Variants in AGFG1 observed in about 807,000 individuals in gnomAD.
AGFG1 encodes the protein arf-GAP domain and FG repeat-containing protein 1.
A neutral mutation model predicts 60.6 loss-of-function variants in AGFG1; 10 were observed. The ratio of observed to expected loss-of-function variants is 0.16; its 90% CI spans 0.10 to 0.28. The LOEUF is 0.28. Ranked by LOEUF, AGFG1 falls within the 10% of genes least tolerant of loss-of-function variation. The probability of loss-of-function intolerance (pLI) is 1.00; values close to 1 mark genes in which losing one functional copy is unlikely to be tolerated. For missense variants in AGFG1, 537 were observed against 676.5 expected (o/e 0.79, Z 2.29); for synonymous variants, 247 against 242.9 (o/e 1.02, Z -0.16).
In AGFG1 at chr2:227,560,594, T is replaced by G. The variant is rs967246527; in HGVS notation, c.*6099T>G. On this transcript the variant is annotated 3_prime_UTR_variant, in exon 13 of 13. Coordinates refer to ENST00000310078, the MANE Select transcript of AGFG1 (RefSeq NM_004504.5). ...AAGTGCATGGCTTGGGGCTATACTT[T>G]GTTTTGCAGTTTGTTGGTATCGTGC... The G allele has an allele frequency of 1.3e-5, 2 of 152,188 alleles. No individual in the cohort carries two copies. The highest frequency in any genetic ancestry group is 6.5e-5 in the Admixed American group (1 of 15,284). The allele number at this position is 152,188 out of a possible 1,614,324, so 9.4% of individuals were successfully genotyped here. A position where few individuals can be genotyped will look rare whatever the true frequency, so the allele number is the denominator to read the frequency against.
chr2:227,502,046 A>G (rs533057366), intron 2 of AGFG1, among the ~76,000 whole-genome samples: 1 of 151,618 alleles, frequency 6.6e-6, no homozygotes, highest in Non-Finnish European at 1.5e-5. Context: ...TTTTGTAGAG[A>G]CGAGATCTCA....
chr2:227,491,161 A>C (rs576894624), intron 1 of AGFG1, among the ~76,000 whole-genome samples: 3 of 152,178 alleles, frequency 2.0e-5, no homozygotes, highest in Non-Finnish European at 4.4e-5. Flanking sequence ...GTCTTATTAT[A>C]TCATTGTTTC....
intron 2 of AGFG1, among the ~76,000 whole-genome samples, chr2:227,496,436 C>T (rs114669804): frequency 0.035 from 3,250 of 92,132 alleles, 74 homozygotes; most frequent in South Asian, 0.11. Context: ...AGCGAGACTC[C>T]GTCTCAAAAA....
At chr2:227,509,913 T>G (rs888707815) in intron 2 of AGFG1, among the ~76,000 whole-genome samples, 3 of 152,148 alleles carry the variant, frequency 2.0e-5, no homozygotes, top group African/African-American at 7.2e-5. Context: ...CTGATATATT[T>G]AACTAGATAA....
At chr2:227,500,173 GGTA>G (rs1182200082) in intron 2 of AGFG1, among the ~76,000 whole-genome samples, 1 of 152,120 alleles carries the variant, frequency 6.6e-6, no homozygotes, top group Non-Finnish European at 1.5e-5. Context: ...TTAAGGTTTG[GGTA>G]GTAGTAGCCA....
At chr2:227,532,270 G>A in intron 6 of AGFG1, 25 of 1,294,234 alleles carry the variant, frequency 1.9e-5, no homozygotes, top group Non-Finnish European at 2.5e-5. Context: ...TATACTTCAA[G>A]GGTTTTTCCA....
chr2:227,508,568 G>A, intron 2 of AGFG1: 1 of 466,544 alleles, frequency 2.1e-6, no homozygotes, highest in Admixed American at 2.4e-5. Context: ...CACACCTTTG[G>A]TTAATTTTTC....
At chr2:227,539,535 G>A (rs1172339510) in intron 10 of AGFG1, among the ~76,000 whole-genome samples, 1 of 151,652 alleles carries the variant, frequency 6.6e-6, no homozygotes, top group East Asian at 1.9e-4. Context: ...TAGGTGGGTT[G>A]CTTGAAGCCC....
In AGFG1 at chr2:227,481,268, A is replaced by G. The variant is rs779472424; in HGVS notation, c.167+8680A>G. 3.3e-5 allele frequency among the ~76,000 whole-genome samples: 5 copies of G among 152,052 alleles called. No homozygotes were observed. In the East Asian group the frequency reaches 5.8e-4, roughly 18 times the overall value. Reference sequence around the variant, plus strand: ...TGTCATTCTGTGTGTTTGATCTTAGATAATCCTCCAGCTTTCCACATGGTC... The same window carrying G: ...TGTCATTCTGTGTGTTTGATCTTAGGTAATCCTCCAGCTTTCCACATGGTC... On this transcript the variant is annotated intron_variant, in intron 1 of 12. Coordinates refer to ENST00000310078, the MANE Select transcript of AGFG1 (RefSeq NM_004504.5).
rs559851950 is a variant in AGFG1, at chr2:227,494,246, G to A, written c.261+2606G>A. On this transcript the variant is annotated intron_variant, in intron 2 of 12. Coordinates refer to ENST00000310078, the MANE Select transcript of AGFG1 (RefSeq NM_004504.5). ...ATAACCAAATCTTTATGGATTTCAC[G>A]TGCAAGTGTTCTATTATCAGTTTAT... 4.8e-5 allele frequency among the ~76,000 whole-genome samples: 7 copies of A among 147,080 alleles called. No individual in the cohort carries two copies. In the East Asian group the frequency reaches 7.7e-4, roughly 16 times the overall value.
chr2:227,527,878 T>G (rs1692043393), intron 5 of AGFG1, among the ~76,000 whole-genome samples: 1 of 152,228 alleles, frequency 6.6e-6, no homozygotes, highest in Non-Finnish European at 1.5e-5. Context: ...GTAAAAGATG[T>G]ATTTCACAAT....
intron 10 of AGFG1, among the ~76,000 whole-genome samples, chr2:227,546,321 G>A (rs1005897780): frequency 5.3e-5 from 8 of 152,244 alleles, no homozygotes; most frequent in East Asian, 1.9e-4. Context: ...CTGGTGTGCC[G>A]TTTGCTAAGA....
chr2:227,500,193 A>G (rs995900345), intron 2 of AGFG1, among the ~76,000 whole-genome samples: 5 of 152,186 alleles, frequency 3.3e-5, no homozygotes, highest in African/African-American at 1.2e-4. Context: ...GCCAAAGGCC[A>G]TGCCTGCAAG....
chr2:227,494,068 T>C (rs1690902311), intron 2 of AGFG1, among the ~76,000 whole-genome samples: 1 of 152,208 alleles, frequency 6.6e-6, no homozygotes, highest in Non-Finnish European at 1.5e-5. Flanking sequence ...CAAACATACC[T>C]TCTTATAGTA....
chr2:227,475,710 T>A (rs1435996054), intron 1 of AGFG1, among the ~76,000 whole-genome samples: 2 of 152,196 alleles, frequency 1.3e-5, no homozygotes. Flanking sequence ...TTGGCCCAGA[T>A]CCATCCTTGT....
chr2:227,509,570 T>A (rs1691435369), intron 2 of AGFG1, among the ~76,000 whole-genome samples: 1 of 152,154 alleles, frequency 6.6e-6, no homozygotes, highest in African/African-American at 2.4e-5. Flanking sequence ...GGTAAAAGGC[T>A]TGTTATGTCA....
chr2:227,495,334 G>A (rs1036593107), intron 2 of AGFG1, among the ~76,000 whole-genome samples: 1 of 151,752 alleles, frequency 6.6e-6, no homozygotes, highest in African/African-American at 2.4e-5. Flanking sequence ...ATCCCTTGAG[G>A]CCAGGAATTC....
chr2:227,501,917 G>T (rs758194315), intron 2 of AGFG1, among the ~76,000 whole-genome samples: 3 of 152,062 alleles, frequency 2.0e-5, no homozygotes, highest in Non-Finnish European at 4.4e-5. Flanking sequence ...GGAGTGCAGT[G>T]GTGCGATTAC....
intron 2 of AGFG1, among the ~76,000 whole-genome samples, chr2:227,505,468 G>A (rs1242392147): frequency 7.3e-6 from 1 of 137,700 alleles, no homozygotes; most frequent in African/African-American, 3.0e-5. Context: ...TAGGCATTTT[G>A]ATACTGTTCT....
Sources: allele counts gnomAD v4.1 joint callset (sites outside exome capture counted in the v4.1 genomes callset), GRCh38; gene constraint gnomAD v4.1.1; transcripts MANE v1.5; gene names NCBI Gene and HGNC (gene_info 2026-07-23, HGNC 2026-07-21).